TTLL5: variants seen among roughly 807,000 people sequenced by gnomAD.
TTLL5 encodes tubulin tyrosine ligase like 5, also known as tubulin polyglutamylase TTLL5.
TTLL5 carries 132 observed loss-of-function variants against 168.4 expected under a neutral mutation model. That is an observed-to-expected ratio of 0.78 (90% CI 0.68 to 0.91). TTLL5 has a LOEUF of 0.91. Ranked by LOEUF, TTLL5 falls within the 40% of genes least tolerant of loss-of-function variation. TTLL5 has a pLI of 0.00. For synonymous variants in TTLL5, 546 were observed against 558.6 expected (o/e 0.98, Z 0.32); for missense variants, 1,545 against 1,581.5 (o/e 0.98, Z 0.39).
chr14:75,796,261 C>T (rs913604154), intron 27 of TTLL5, among the ~76,000 whole-genome samples: 1 of 151,710 alleles, frequency 6.6e-6, no homozygotes, highest in Admixed American at 6.6e-5. Flanking sequence ...TGTCCTTAGC[C>T]TTTTTGATGG....
At chr14:75,927,658 C>G (rs1015893459) in intron 31 of TTLL5, among the ~76,000 whole-genome samples, 1 of 152,198 alleles carries the variant, frequency 6.6e-6, no homozygotes, top group African/African-American at 2.4e-5. Context: ...TGTCTGGGCT[C>G]TGCTCTGCCC....
intron 18 of TTLL5, among the ~76,000 whole-genome samples, chr14:75,760,739 C>G (rs1890583964): frequency 6.6e-6 from 1 of 151,684 alleles, no homozygotes; most frequent in South Asian, 2.1e-4. Flanking sequence ...AAAAATGAAC[C>G]CCAACCGCTG....
chr14:75,724,150 T>C (rs927667585), intron 12 of TTLL5, among the ~76,000 whole-genome samples: 1 of 152,112 alleles, frequency 6.6e-6, no homozygotes, highest in African/African-American at 2.4e-5. Flanking sequence ...ATTCTTTTGG[T>C]GGTTGTTCCT....
At chr14:75,714,999 TC>T (rs1887331787) in intron 9 of TTLL5, among the ~76,000 whole-genome samples, 1 of 152,220 alleles carries the variant, frequency 6.6e-6, no homozygotes, top group African/African-American at 2.4e-5. Flanking sequence ...CAATTCTAGT[TC>T]AAAACTACAG....
chr14:75,729,528 C>T (rs886784322), intron 12 of TTLL5, among the ~76,000 whole-genome samples: 2 of 151,602 alleles, frequency 1.3e-5, no homozygotes, highest in Non-Finnish European at 3.0e-5. Flanking sequence ...TGATTGTGTT[C>T]AAAGAGGAAA....
chr14:75,808,084 C>T (rs916619565), intron 27 of TTLL5, among the ~76,000 whole-genome samples: 2 of 152,194 alleles, frequency 1.3e-5, no homozygotes, highest in Non-Finnish European at 2.9e-5. Flanking sequence ...GCAACTCCCC[C>T]TGTCAACACA....
chr14:75,817,258 GT>G (rs761586868), intron 27 of TTLL5, among the ~76,000 whole-genome samples: 10 of 151,812 alleles, frequency 6.6e-5, no homozygotes, highest in East Asian at 1.9e-4. Context: ...GATTACAGGT[GT>G]GAGCCACCAC....
intron 31 of TTLL5, among the ~76,000 whole-genome samples, chr14:75,944,206 C>T (rs543369195): frequency 1.1e-4 from 17 of 152,176 alleles, no homozygotes; most frequent in Non-Finnish European, 2.2e-4. Context: ...TTCACTGCCG[C>T]TAACATATTT....
chr14:75,874,918 A>G (rs2031340666), intron 29 of TTLL5, among the ~76,000 whole-genome samples: 1 of 130,684 alleles, frequency 7.7e-6, no homozygotes, highest in Non-Finnish European at 1.6e-5. Context: ...AGAGAAAAAA[A>G]AAGACACTGG....
intron 22 of TTLL5, 136 bp downstream of exon 22, chr14:75,775,766 G>C (rs533058982): frequency 5.3e-6 from 6 of 1,129,098 alleles, no homozygotes; most frequent in South Asian, 3.7e-5. Context: ...ATGTATTACT[G>C]TTAGGGGAAG....
intron 29 of TTLL5, among the ~76,000 whole-genome samples, chr14:75,866,604 C>G (rs1340713248): frequency 1.3e-5 from 2 of 152,132 alleles, no homozygotes; most frequent in African/African-American, 4.8e-5. Flanking sequence ...GTTCATGCAG[C>G]CTTTCTCTCA....
chr14:75,731,777 G>A (rs2140232323), intron 12 of TTLL5, among the ~76,000 whole-genome samples: 1 of 152,288 alleles, frequency 6.6e-6, no homozygotes, highest in Middle Eastern at 3.4e-3. Context: ...AATTGAAACT[G>A]TAGGAGAGGG....
chr14:75,820,462 T>C (rs1447058966), intron 28 of TTLL5: 1 of 236,530 alleles, frequency 4.2e-6, no homozygotes. Context: ...ATGTGCCAAC[T>C]TTTTGCACTT....
At chr14:75,745,020 G>T (rs1889516207) in intron 15 of TTLL5, 75 bp from the exon 16 acceptor site, 3 of 1,141,496 alleles carry the variant, frequency 2.6e-6, no homozygotes, top group Non-Finnish European at 3.8e-6. Flanking sequence ...GATGTTGAGG[G>T]AATGAACAGA....
chr14:75,852,629 A>G (rs1365937446), intron 28 of TTLL5, among the ~76,000 whole-genome samples: 1 of 152,210 alleles, frequency 6.6e-6, no homozygotes, highest in African/African-American at 2.4e-5. Context: ...AGAAGAGAGT[A>G]TACTCTTATC....
intron 21 of TTLL5, among the ~76,000 whole-genome samples, chr14:75,773,963 G>GAC (rs35635750): frequency 4.5e-4 from 31 of 69,506 alleles, no homozygotes; most frequent in South Asian, 2.6e-3. Context: ...GAGAAAGAGA[G>GAC]AGAGAGAGAG....
intron 30 of TTLL5, among the ~76,000 whole-genome samples, chr14:75,885,892 G>C (rs1239730934): frequency 6.6e-6 from 1 of 152,184 alleles, no homozygotes; most frequent in East Asian, 1.9e-4. Context: ...CTAAATCAGT[G>C]TTAGGTACTA....
chr14:75,948,396 A>G (rs2034845950), intron 31 of TTLL5, among the ~76,000 whole-genome samples: 1 of 151,972 alleles, frequency 6.6e-6, no homozygotes, highest in Non-Finnish European at 1.5e-5. Flanking sequence ...GAGGCAGGAG[A>G]ATGGCTTGAA....
intron 28 of TTLL5, among the ~76,000 whole-genome samples, chr14:75,824,510 C>T (rs139832677): frequency 1.3e-5 from 2 of 152,070 alleles, no homozygotes; most frequent in Non-Finnish European, 1.5e-5. Context: ...TCATACGAAA[C>T]ATCTAAAGTA....
Sources: allele counts gnomAD v4.1 joint callset (sites outside exome capture counted in the v4.1 genomes callset), GRCh38; gene constraint gnomAD v4.1.1; transcripts MANE v1.5; gene names NCBI Gene and HGNC (gene_info 2026-07-23, HGNC 2026-07-21).